The following CACNA2D3 variants were observed in gnomAD, a reference collection of about 807,000 sequenced individuals.
The protein encoded by CACNA2D3 is calcium voltage-gated channel auxiliary subunit alpha2delta 3, also known as voltage-dependent calcium channel subunit alpha-2/delta-3.
CACNA2D3 carries 60 observed loss-of-function variants against 160.6 expected under a neutral mutation model. That is an observed-to-expected ratio of 0.37 (90% CI 0.30 to 0.46). The LOEUF (loss-of-function observed/expected upper bound fraction) is 0.46. Among genes scored for constraint, CACNA2D3 ranks in the 20% least tolerant of loss-of-function variants. CACNA2D3 has a pLI of 1.00. For missense variants in CACNA2D3, 1,205 were observed against 1,365.0 expected, an observed-to-expected ratio of 0.88 and a Z score of 1.85; for synonymous variants, 558 against 492.9, an observed-to-expected ratio of 1.13 and a Z score of -1.75.
chr3:54,665,658 A>G (rs1219535884), intron 11 of CACNA2D3, among the ~76,000 whole-genome samples: 1 of 152,166 alleles, frequency 6.6e-6, no homozygotes, highest in Non-Finnish European at 1.5e-5. Flanking sequence ...TGCCAGAGAT[A>G]GGAAGAGACT....
At chr3:54,508,202 G>A (rs148059814) in intron 5 of CACNA2D3, among the ~76,000 whole-genome samples, 140 of 152,316 alleles carry the variant, frequency 9.2e-4, no homozygotes, top group African/African-American at 3.0e-3. Flanking sequence ...GGAAGGGCTG[G>A]CCAGGTGGTG....
intron 25 of CACNA2D3, among the ~76,000 whole-genome samples, chr3:54,892,072 G>A (rs1252391130): frequency 2.0e-5 from 3 of 152,146 alleles, no homozygotes; most frequent in Admixed American, 6.5e-5. Flanking sequence ...AGAGAACCAC[G>A]GGCCCTTAAC....
At chr3:54,124,083 C>T (rs1699537431) in intron 2 of CACNA2D3, among the ~76,000 whole-genome samples, 1 of 152,192 alleles carries the variant, frequency 6.6e-6, no homozygotes, top group Non-Finnish European at 1.5e-5. Context: ...CATCTAGACC[C>T]AGGGCTAGGA....
intron 11 of CACNA2D3, among the ~76,000 whole-genome samples, chr3:54,658,267 T>C (rs1236041474): frequency 6.6e-6 from 1 of 152,228 alleles, no homozygotes; most frequent in African/African-American, 2.4e-5. Flanking sequence ...CATACTGTTT[T>C]CATAATGGCT....
chr3:54,919,405 G>GGAAT (rs1219737261), intron 27 of CACNA2D3, among the ~76,000 whole-genome samples: 2 of 152,216 alleles, frequency 1.3e-5, no homozygotes, highest in South Asian at 2.1e-4. Context: ...ATGGAGAGGT[G>GGAAT]GAATGGTCTT....
chr3:54,242,715 G>A (rs1406981761), intron 2 of CACNA2D3, among the ~76,000 whole-genome samples: 1 of 152,102 alleles, frequency 6.6e-6, no homozygotes, highest in Non-Finnish European at 1.5e-5. Context: ...TCAGAATAGC[G>A]CACAATTTAA....
chr3:54,509,884 T>A (rs1046916308), intron 5 of CACNA2D3, among the ~76,000 whole-genome samples: 2 of 152,234 alleles, frequency 1.3e-5, no homozygotes, highest in Non-Finnish European at 2.9e-5. Context: ...AATGCCTCCA[T>A]ACTTCTGCAT....
At chr3:54,215,523 G>C (rs1701444971) in intron 2 of CACNA2D3, among the ~76,000 whole-genome samples, 1 of 152,130 alleles carries the variant, frequency 6.6e-6, no homozygotes, top group Non-Finnish European at 1.5e-5. Flanking sequence ...TGTGGGTTTG[G>C]CCTTTTGATT....
At chr3:54,462,317 A>G (rs559604396) in intron 4 of CACNA2D3, among the ~76,000 whole-genome samples, 2 of 152,268 alleles carry the variant, frequency 1.3e-5, no homozygotes, top group African/African-American at 2.4e-5. Flanking sequence ...GCTGAGTTCA[A>G]TTCCTGTGTA....
At chr3:54,339,706 C>T (rs889999020) in intron 3 of CACNA2D3, among the ~76,000 whole-genome samples, 2 of 152,080 alleles carry the variant, frequency 1.3e-5, no homozygotes, top group Admixed American at 6.5e-5. Flanking sequence ...ATTAGAAACT[C>T]GAGTAACTTA....
intron 13 of CACNA2D3, chr3:54,789,773 A>G (rs1220856873): frequency 6.3e-6 from 3 of 478,532 alleles, no homozygotes; most frequent in African/African-American, 5.9e-5. Flanking sequence ...TAGATTTTGG[A>G]TTGAGGCAGT....
intron 2 of CACNA2D3, among the ~76,000 whole-genome samples, chr3:54,165,136 T>TTTTTTAA: frequency 7.1e-6 from 1 of 141,180 alleles, no homozygotes. Context: ...TTTTTTTTTG[T>TTTTTTAA]CAAACAAGAT....
chr3:54,615,986 T>C (rs1575383492), intron 9 of CACNA2D3, among the ~76,000 whole-genome samples: 1 of 152,176 alleles, frequency 6.6e-6, no homozygotes, highest in Non-Finnish European at 1.5e-5. Flanking sequence ...TGCCTGATGA[T>C]TTGAGGTGGA....
chr3:54,747,076 T>G (rs1701763966), intron 11 of CACNA2D3, among the ~76,000 whole-genome samples: 1 of 152,180 alleles, frequency 6.6e-6, no homozygotes, highest in Admixed American at 6.5e-5. Context: ...TAGGAATAGC[T>G]TTCCTGGAAA....
intron 25 of CACNA2D3, 139 bp downstream of exon 25, chr3:54,891,589 C>T (rs1473695438): frequency 7.4e-6 from 5 of 675,772 alleles, no homozygotes; most frequent in Non-Finnish European, 1.0e-5. Flanking sequence ...GATTTTTCCT[C>T]TCTGTTCTAC....
intron 2 of CACNA2D3, among the ~76,000 whole-genome samples, chr3:54,220,099 A>C (rs1701538945): frequency 6.6e-6 from 1 of 152,012 alleles, no homozygotes; most frequent in Non-Finnish European, 1.5e-5. Flanking sequence ...CATACAAAGG[A>C]CTGCTTAAAA....
At chr3:55,055,380 C>T (rs191651470) in intron 35 of CACNA2D3, among the ~76,000 whole-genome samples, 2 of 152,130 alleles carry the variant, frequency 1.3e-5, no homozygotes, top group Admixed American at 1.3e-4. Flanking sequence ...CATTTCTGGG[C>T]TCTTTATTCT....
At chr3:54,500,565 T>C (rs1244116140) in intron 4 of CACNA2D3, among the ~76,000 whole-genome samples, 4 of 128,558 alleles carry the variant, frequency 3.1e-5, no homozygotes, top group Non-Finnish European at 4.8e-5. Context: ...TTCTCTCTCT[T>C]TCTTTTCTTT....
At chr3:54,640,378 C>G (rs1435940839) in intron 10 of CACNA2D3, among the ~76,000 whole-genome samples, 1 of 152,166 alleles carries the variant, frequency 6.6e-6, no homozygotes, top group African/African-American at 2.4e-5. Flanking sequence ...TTTCCCATCT[C>G]GCAGCATTGA....
Sources: gnomAD v4.1 joint callset for allele counts (sites outside exome capture counted in the v4.1 genomes callset) on GRCh38, gnomAD v4.1.1 for gene constraint, MANE v1.5 for transcripts, NCBI Gene and HGNC (gene_info 2026-07-23, HGNC 2026-07-21) for gene names.